The following RTN3 variants were observed in gnomAD, a reference collection of about 807,000 sequenced individuals.
RTN3 encodes the protein reticulon-3.
A neutral mutation model predicts 77.8 loss-of-function variants in RTN3; 49 were observed. The observed-to-expected ratio is 0.63, with a 90% CI of 0.50 to 0.80. The LOEUF is 0.80. Among genes scored for constraint, RTN3 ranks in the 30% least tolerant of loss-of-function variants. RTN3 has a pLI of 0.00. For missense variants in RTN3, 1,236 were observed against 1,211.9 expected (o/e 1.02, Z -0.29); for synonymous variants, 464 against 446.9 (o/e 1.04, Z -0.48).
At chr11:63,738,379 C>G (rs2013267687) in intron 3 of RTN3, among the ~76,000 whole-genome samples, 1 of 152,074 alleles carries the variant, frequency 6.6e-6, no homozygotes, top group Non-Finnish European at 1.5e-5. Context: ...GTGATTCACG[C>G]CTGTAATTCC....
chr11:63,699,172 G>C (rs897431370), intron 1 of RTN3, among the ~76,000 whole-genome samples: 1 of 152,054 alleles, frequency 6.6e-6, no homozygotes, highest in Non-Finnish European at 1.5e-5. Context: ...GTGGTAGCAT[G>C]CACCTGTAAT....
At chr11:63,756,237 T>C (rs761251009) in intron 8 of RTN3, 67 bp downstream of exon 8, 8 of 1,059,460 alleles carry the variant, frequency 7.6e-6, no homozygotes, top group Middle Eastern at 2.0e-4. Flanking sequence ...CTTTAGTCCC[T>C]TGTACAAAAT....
chr11:63,748,771 G>T (rs1355824079), intron 3 of RTN3, among the ~76,000 whole-genome samples: 2 of 149,630 alleles, frequency 1.3e-5, no homozygotes, highest in Admixed American at 6.7e-5. Context: ...GGGTTCAAGC[G>T]ATTCTCCTAC....
chr11:63,734,734 A>AACACACACACACACAC (rs754454322), intron 3 of RTN3, among the ~76,000 whole-genome samples: 117 of 81,312 alleles, frequency 1.4e-3, no homozygotes, highest in African/African-American at 3.4e-3. Context: ...TCTGTCTCAA[A>AACACACACACACACAC]ACACACACAC....
At chr11:63,696,970 C>T (rs1382017104) in intron 1 of RTN3, among the ~76,000 whole-genome samples, 50 of 145,530 alleles carry the variant, frequency 3.4e-4, no homozygotes, top group African/African-American at 7.9e-4. Context: ...CGGCAAACTC[C>T]GCCTCCCGGG....
intron 1 of RTN3, among the ~76,000 whole-genome samples, chr11:63,697,181 G>A (rs1942002217): frequency 6.6e-6 from 1 of 151,988 alleles, no homozygotes; most frequent in Non-Finnish European, 1.5e-5. Context: ...ATCGCGCCCG[G>A]CCCCGTTGCT....
At position 63,695,925 on chromosome 11, in the gene RTN3, TAGTA is replaced by T. The variant is rs555934189; in HGVS notation, c.143-8920_143-8917del. Among the ~76,000 whole-genome samples, 54 of 152,048 alleles carry T rather than the reference TAGTA, an allele frequency of 3.6e-4. 3 individuals are homozygous for T. Among genetic ancestry groups the T allele is most frequent in the Admixed American group, 1.2e-3 (19 of 15,252 alleles). On this transcript the variant is annotated intron_variant, in intron 1 of 8. Coordinates refer to ENST00000377819, the MANE Select transcript of RTN3 (RefSeq NM_001265589.2). ...CCTTACTTCTCTAAAAAATAATAAA[TAGTA>T]AGTAAAAATTACCTTTGTAATATTC...
In RTN3 at chr11:63,719,748, A is replaced by C. The variant is rs762278975; in HGVS notation, c.1246A>C (p.Ile416Leu). The change falls in exon 3 of 9, where the codon ATT becomes CTT. Residue 416 changes from isoleucine (I) to leucine (L), a missense_variant. This residue lies in a region of RTN3 where 1,056 missense variants were observed against 990.4 expected (regional missense o/e 1.07). Transcript: ENST00000377819. ...AEASLQQENA[I>L]TGKPVPDSLN... ...AGCATCTCTCCAGCAAGAAAATGCTATTACTGGAAAACCTGTACCTGACTC... is the reference window on the plus strand; with the variant it reads ...AGCATCTCTCCAGCAAGAAAATGCTCTTACTGGAAAACCTGTACCTGACTC... 6.2e-7 allele frequency: 1 copy of C among 1,614,170 alleles called. No homozygotes were observed. Among genetic ancestry groups the C allele is most frequent in the South Asian group, 1.1e-5 (1 of 91,066 alleles).
intron 3 of RTN3, among the ~76,000 whole-genome samples, chr11:63,737,212 A>T (rs961538107): frequency 2.0e-5 from 3 of 152,264 alleles, no homozygotes; most frequent in Non-Finnish European, 4.4e-5. Flanking sequence ...CTCTGAACAT[A>T]AAAACTAAAA....
chr11:63,684,044 G>C (rs1590764410), intron 1 of RTN3, among the ~76,000 whole-genome samples: 2 of 140,784 alleles, frequency 1.4e-5, no homozygotes, highest in South Asian at 2.3e-4. Context: ...CTCCATCTCC[G>C]GGGTTCAAAT....
chr11:63,749,274 G>T (rs534648802), intron 3 of RTN3, among the ~76,000 whole-genome samples: 2 of 152,178 alleles, frequency 1.3e-5, no homozygotes, highest in South Asian at 4.1e-4. Context: ...GTGAGACGCT[G>T]TCTCAAAAAA....
At chr11:63,747,769 C>A (rs576252555) in intron 3 of RTN3, among the ~76,000 whole-genome samples, 1 of 152,296 alleles carries the variant, frequency 6.6e-6, no homozygotes, top group South Asian at 2.1e-4. Flanking sequence ...TGAATTACTG[C>A]ATGTCATTTA....
chr11:63,699,404 A>G (rs1476021359), intron 1 of RTN3, among the ~76,000 whole-genome samples: 2 of 152,048 alleles, frequency 1.3e-5, no homozygotes, highest in South Asian at 2.1e-4. Flanking sequence ...ATCCAGGCAG[A>G]TGGTCTCAAG....
chr11:63,713,323 C>A (rs1446658189), intron 2 of RTN3, among the ~76,000 whole-genome samples: 1 of 151,960 alleles, frequency 6.6e-6, no homozygotes, highest in Non-Finnish European at 1.5e-5. Flanking sequence ...TCGATTCTCA[C>A]CCACCCCCCA....
intron 3 of RTN3, among the ~76,000 whole-genome samples, chr11:63,725,608 C>G (rs1424415193): frequency 6.6e-6 from 1 of 152,080 alleles, no homozygotes; most frequent in Non-Finnish European, 1.5e-5. Context: ...GCTACCACGC[C>G]CAGCTAATTT....
At chr11:63,709,264 G>A (rs1270192404) in intron 2 of RTN3, among the ~76,000 whole-genome samples, 2 of 152,172 alleles carry the variant, frequency 1.3e-5, no homozygotes, top group South Asian at 2.1e-4. Flanking sequence ...ATCACTATTA[G>A]TGATATAATT....
intron 1 of RTN3, among the ~76,000 whole-genome samples, chr11:63,695,802 G>A (rs1941908120): frequency 6.6e-6 from 1 of 152,182 alleles, no homozygotes; most frequent in Non-Finnish European, 1.5e-5. Flanking sequence ...GAGACATGAT[G>A]ACAAAATGTG....
intron 1 of RTN3, among the ~76,000 whole-genome samples, chr11:63,699,298 T>TCC (rs1942119654): frequency 6.7e-6 from 1 of 150,092 alleles, no homozygotes; most frequent in African/African-American, 2.5e-5. Flanking sequence ...GAGCTGAGAC[T>TCC]CCTTCTCAAA....
At chr11:63,706,161 T>C (rs1942485045) in intron 2 of RTN3, among the ~76,000 whole-genome samples, 1 of 151,988 alleles carries the variant, frequency 6.6e-6, no homozygotes, top group Non-Finnish European at 1.5e-5. Flanking sequence ...GGAAACATGG[T>C]AGGGAATTTT....
Sources: allele counts gnomAD v4.1 joint callset (sites outside exome capture counted in the v4.1 genomes callset), GRCh38; gene constraint gnomAD v4.1.1; regional missense constraint gnomAD v4.1.1; transcripts MANE v1.5; gene names NCBI Gene and HGNC (gene_info 2026-07-23, HGNC 2026-07-21).